ARHGAP6: variants seen among roughly 807,000 people sequenced by gnomAD.
The protein encoded by ARHGAP6 is rho GTPase-activating protein 6.
In ARHGAP6, 16 loss-of-function variants were observed where a neutral mutation model predicts 55.7. That is an observed-to-expected ratio of 0.29 (90% CI 0.19 to 0.44). ARHGAP6 has a LOEUF of 0.44. Ranked by LOEUF, ARHGAP6 falls within the 20% of genes least tolerant of loss-of-function variation. The probability of loss-of-function intolerance (pLI) is 1.00; values close to 1 mark genes in which losing one functional copy is unlikely to be tolerated. For synonymous variants in ARHGAP6, 382 were observed against 360.9 expected, an observed-to-expected ratio of 1.06 and a Z score of -0.66; for missense variants, 698 against 808.9, an observed-to-expected ratio of 0.86 and a Z score of 1.66.
intron 1 of ARHGAP6, among the ~76,000 whole-genome samples, chrX:11,422,448 C>A (rs2049833646): frequency 9.0e-6 from 1 of 111,367 alleles, no homozygotes; most frequent in African/African-American, 3.3e-5. Context: ...CTTGGAAGGT[C>A]AAGGTCATGG....
chrX:11,174,838 C>T (rs971739242), intron 8 of ARHGAP6, among the ~76,000 whole-genome samples: 78 of 105,368 alleles, frequency 7.4e-4, no homozygotes, highest in Non-Finnish European at 1.3e-3. Context: ...CAGGCACCCA[C>T]CACCACGCCC....
intron 2 of ARHGAP6, among the ~76,000 whole-genome samples, chrX:11,219,194 A>G (rs199852437): frequency 0.18 from 17,855 of 99,322 alleles, 1,611 homozygotes; most frequent in Middle Eastern, 0.27. Flanking sequence ...AATTTCATCC[A>G]TGTCCCTACA....
At chrX:11,522,755 C>G (rs1430027254) in intron 1 of ARHGAP6, among the ~76,000 whole-genome samples, 1 of 111,035 alleles carries the variant, frequency 9.0e-6, no homozygotes, top group Non-Finnish European at 1.9e-5. Context: ...AGCTTACCAA[C>G]CAAAAAAAGT....
chrX:11,211,542 TTTG>T (rs1299218162), intron 2 of ARHGAP6, among the ~76,000 whole-genome samples: 10 of 104,781 alleles, frequency 9.5e-5, no homozygotes, highest in South Asian at 4.3e-4. Flanking sequence ...TGAGAACAGT[TTTG>T]TTGTTGTTGT....
At chrX:11,562,769 G>T (rs2051399985) in intron 1 of ARHGAP6, among the ~76,000 whole-genome samples, 1 of 111,377 alleles carries the variant, frequency 9.0e-6, no homozygotes, top group African/African-American at 3.3e-5. Flanking sequence ...CTTCCCTCTG[G>T]CTCCCACCTT....
intron 1 of ARHGAP6, among the ~76,000 whole-genome samples, chrX:11,531,120 A>G (rs1481491436): frequency 9.0e-6 from 1 of 111,532 alleles, no homozygotes; most frequent in East Asian, 2.8e-4. Flanking sequence ...ATATTCATTA[A>G]TTATCTGCCA....
intron 1 of ARHGAP6, among the ~76,000 whole-genome samples, chrX:11,626,125 T>C (rs1208409428): frequency 9.0e-6 from 1 of 111,695 alleles, no homozygotes; most frequent in Non-Finnish European, 1.9e-5. Context: ...AAAATATACA[T>C]ATACACAATA....
At chrX:11,255,466 T>C (rs955232130) in intron 1 of ARHGAP6, among the ~76,000 whole-genome samples, 5 of 110,772 alleles carry the variant, frequency 4.5e-5, no homozygotes, top group Admixed American at 3.9e-4. Flanking sequence ...TGACATATTA[T>C]ATGAATAGTA....
At chrX:11,604,211 A>G (rs1224703481) in intron 1 of ARHGAP6, among the ~76,000 whole-genome samples, 1 of 111,221 alleles carries the variant, frequency 9.0e-6, no homozygotes, top group East Asian at 2.8e-4. Flanking sequence ...TACTCAACCC[A>G]CTCTAGTGCA....
intron 1 of ARHGAP6, among the ~76,000 whole-genome samples, chrX:11,368,563 T>G (rs1244514000): frequency 8.9e-6 from 1 of 112,106 alleles, no homozygotes; most frequent in African/African-American, 3.2e-5. Flanking sequence ...ACATTTGGAT[T>G]CATCTTCCAT....
chrX:11,583,452 G>C (rs898020395), intron 1 of ARHGAP6, among the ~76,000 whole-genome samples: 12 of 112,333 alleles, frequency 1.1e-4, no homozygotes, highest in Non-Finnish European at 1.9e-5. Context: ...ACACAGCCAA[G>C]AAGTCATCTC....
intron 1 of ARHGAP6, among the ~76,000 whole-genome samples, chrX:11,326,524 G>A (rs1232724256): frequency 3.6e-5 from 4 of 111,212 alleles, no homozygotes; most frequent in African/African-American, 1.3e-4. Context: ...TGAAGGTTGA[G>A]GGGATCATGT....
chrX:11,472,228 C>T (rs1019918307), intron 1 of ARHGAP6, among the ~76,000 whole-genome samples: 1 of 111,600 alleles, frequency 9.0e-6, no homozygotes, highest in Non-Finnish European at 1.9e-5. Context: ...CGGTAGCACC[C>T]TCCACCCCAG....
chrX:11,285,824 T>A lies in ARHGAP6; in HGVS notation c.589-31117A>T, dbSNP rs747371797. On this transcript the variant is annotated intron_variant, in intron 1 of 12. Transcript: ENST00000337414. ...AAGAAAAGAGGTCACACTTATATTT[T>A]CTGAAATGTACATATTTCTAAAGTC... is the stretch of plus-strand genomic sequence containing the variant. Among the ~76,000 whole-genome samples, 3 of 112,631 alleles carry A rather than the reference T, an allele frequency of 2.7e-5. No homozygotes were observed. The Admixed American group carries it at 2.8e-4, about 11-fold the overall frequency.
At chrX:11,639,666 T>C (rs2052453616) in intron 1 of ARHGAP6, among the ~76,000 whole-genome samples, 1 of 111,181 alleles carries the variant, frequency 9.0e-6, no homozygotes, top group African/African-American at 3.3e-5. Flanking sequence ...ATTTTTGTTA[T>C]ATACTTTACA....
intron 9 of ARHGAP6, among the ~76,000 whole-genome samples, chrX:11,167,895 TATTA>T (rs1051863119): frequency 8.9e-6 from 1 of 112,140 alleles, no homozygotes; most frequent in Non-Finnish European, 1.9e-5. Flanking sequence ...TAGAGTCAAT[TATTA>T]ATTCAACATT....
chrX:11,153,524 CAAAAAAAAAAA>C (rs55669123), intron 10 of ARHGAP6, among the ~76,000 whole-genome samples: 1 of 20,117 alleles, frequency 5.0e-5, no homozygotes, highest in African/African-American at 2.1e-4. Context: ...GACTCGATCT[CAAAAAAAAAAA>C]AAAAAAAAAA....
In ARHGAP6 at chrX:11,411,836, A is replaced by G. The variant is rs1450185474; in HGVS notation, c.589-157129T>C. Among the ~76,000 whole-genome samples, 4 of 111,649 alleles carry G rather than the reference A, an allele frequency of 3.6e-5. No homozygotes were observed. The East Asian group carries it at 1.1e-3, about 31-fold the overall frequency. Reference sequence around the variant, plus strand: ...AAACAACTTCATTGAGATGTAATTTACATTCTATAAACTTCACCTGTAAAC... The same window carrying G: ...AAACAACTTCATTGAGATGTAATTTGCATTCTATAAACTTCACCTGTAAAC... On this transcript the variant is annotated intron_variant, in intron 1 of 12. Transcript: ENST00000337414.
intron 1 of ARHGAP6, among the ~76,000 whole-genome samples, chrX:11,377,685 G>A (rs973907615): frequency 9.0e-6 from 1 of 111,717 alleles, no homozygotes; most frequent in Non-Finnish European, 1.9e-5. Context: ...CCCCTCGTGA[G>A]CGGGATTTTA....
Sources: gnomAD v4.1 joint callset for allele counts (sites outside exome capture counted in the v4.1 genomes callset) on GRCh38, gnomAD v4.1.1 for gene constraint, MANE v1.5 for transcripts, NCBI Gene and HGNC (gene_info 2026-07-23, HGNC 2026-07-21) for gene names.